Variants in PLXNA2 observed in about 807,000 individuals in gnomAD.
PLXNA2 encodes the protein plexin A2, also known as plexin-A2.
In PLXNA2, 91 loss-of-function variants were observed where a neutral mutation model predicts 193.5. The ratio of observed to expected loss-of-function variants is 0.47; its 90% CI spans 0.40 to 0.56. The LOEUF (loss-of-function observed/expected upper bound fraction) is 0.56, where lower values mean the gene tolerates loss of function less well. PLXNA2 is among the 20% of genes least tolerant of loss of function. The probability of loss-of-function intolerance (pLI) is 0.00; values close to 1 mark genes in which losing one functional copy is unlikely to be tolerated. For synonymous variants in PLXNA2, 997 were observed against 1,027.3 expected, an observed-to-expected ratio of 0.97 and a Z score of 0.56; for missense variants, 1,995 against 2,503.2, an observed-to-expected ratio of 0.80 and a Z score of 4.33.
intron 3 of PLXNA2, among the ~76,000 whole-genome samples, chr1:208,164,537 C>A (rs550257482): frequency 1.3e-5 from 2 of 152,306 alleles, no homozygotes; most frequent in Admixed American, 1.3e-4. Flanking sequence ...CAAATCCCCA[C>A]AGAATTTGGA....
In PLXNA2 at chr1:208,238,916, T is replaced by C. The variant is rs960588192; in HGVS notation, c.-81+4727A>G. ...CCAGCAGATTGGACTCCCTGTTAAG[T>C]TGAGAATGCACTCCCTCCCTGCCAC... On this transcript the variant is annotated intron_variant, in intron 1 of 31. Coordinates refer to ENST00000367033, the MANE Select transcript of PLXNA2 (RefSeq NM_025179.4). Among the ~76,000 whole-genome samples, 5 of 152,254 alleles carry C rather than the reference T, an allele frequency of 3.3e-5. No homozygotes were observed. The East Asian group carries it at 7.7e-4, about 24-fold the overall frequency.
chr1:208,029,003 G>A lies in PLXNA2; in HGVS notation c.5265C>T (p.Pro1755=). The change falls in exon 30 of 32, where the codon CCC becomes CCT. Residue 1755 remains proline (P), a synonymous_variant. Transcript: ENST00000367033. ...LRFWVNVIKN[P]QFVFDIHKGS... is the part of the protein sequence containing the mutation. ...CCTTGTGGATGTCAAACACGAACTG[G>A]GGGTTCTTAATCACGTTCACCCAGA... The A allele has an allele frequency of 1.1e-5, 18 of 1,614,098 alleles. No individual in the cohort carries two copies. The highest frequency in any genetic ancestry group is 1.4e-5 in the Non-Finnish European group (17 of 1,180,020).
At chr1:208,147,211 C>A (rs1668629059) in intron 3 of PLXNA2, among the ~76,000 whole-genome samples, 1 of 151,886 alleles carries the variant, frequency 6.6e-6, no homozygotes. Context: ...TTTTTAGAGA[C>A]AGGGTCTCAT....
In PLXNA2 at chr1:208,216,971, G is replaced by A; in HGVS notation, c.952C>T (p.Pro318Ser). ...AAGGCCTGGGCCAGTGAGTCCCCAG[G>A]CTTGGCCAGGTAAGCAGCCTGCAGG... Reference protein sequence around the residue: ...RLLQAAYLAKPGDSLAQAFNI... With the variant: ...RLLQAAYLAKSGDSLAQAFNI... The change falls in exon 2 of 32, where the codon CCT (proline) becomes TCT (serine). Residue 318 changes from proline to serine, a missense_variant. Pro to Ser is a moderately conservative substitution (Grantham distance 74, BLOSUM62 -1). Coordinates refer to ENST00000367033, the MANE Select transcript of PLXNA2 (RefSeq NM_025179.4). 1 of 1,613,496 alleles carries A rather than the reference G, an allele frequency of 6.2e-7. No homozygotes were observed. The highest frequency in any genetic ancestry group is 8.5e-7 in the Non-Finnish European group (1 of 1,179,574).
At chr1:208,198,996 A>G (rs1670451820) in intron 3 of PLXNA2, among the ~76,000 whole-genome samples, 1 of 152,260 alleles carries the variant, frequency 6.6e-6, no homozygotes, top group Non-Finnish European at 1.5e-5. Flanking sequence ...AAAACAAAAC[A>G]CTTAGCCCAG....
intron 22 of PLXNA2, 57 bp from the exon 23 acceptor site, chr1:208,040,115 G>T: frequency 9.1e-6 from 13 of 1,428,264 alleles, no homozygotes; most frequent in Non-Finnish European, 1.3e-5. Context: ...TCCGTGGTGG[G>T]GCCTGGGCTT....
Position 208,217,984 on chromosome 1 carries a change from G to A in PLXNA2, c.-62C>T, listed in dbSNP as rs754548069. 1.0e-5 allele frequency: 16 copies of A among 1,577,426 alleles called. No individual in the cohort carries two copies. Among genetic ancestry groups the A allele is most frequent in the East Asian group, 9.1e-5 (4 of 43,958 alleles). On this transcript the variant is annotated 5_prime_UTR_variant, in exon 2 of 32. Coordinates refer to ENST00000367033, the MANE Select transcript of PLXNA2 (RefSeq NM_025179.4). This position sits in a 1 kb window ranked among gnomAD's most constrained non-coding sequence, Gnocchi z 4.7. ...TGTGCTCATCTGCTCCACCTTCCCC[G>A]GTTGGCCCTCACATGATTCTGCAAA... is the stretch of plus-strand genomic sequence containing the variant.
chr1:208,173,956 A>C (rs1016156269), intron 3 of PLXNA2, among the ~76,000 whole-genome samples: 1 of 152,236 alleles, frequency 6.6e-6, no homozygotes, highest in Admixed American at 6.5e-5. Context: ...GATGTGGTGC[A>C]TGTGCGCACC....
At chr1:208,132,871 A>G (rs1668200315) in intron 4 of PLXNA2, among the ~76,000 whole-genome samples, 1 of 152,212 alleles carries the variant, frequency 6.6e-6, no homozygotes. Context: ...TTTACAGGTG[A>G]GGTAACTGAA....
chr1:208,219,535 GA>G (rs398103633), intron 1 of PLXNA2, among the ~76,000 whole-genome samples: 1 of 133,264 alleles, frequency 7.5e-6, no homozygotes, highest in East Asian at 2.7e-4. Flanking sequence ...CCGAAGGATG[GA>G]GAGTTTGCTC....
chr1:208,032,571 T>A (rs1664535700), intron 28 of PLXNA2, among the ~76,000 whole-genome samples: 1 of 152,092 alleles, frequency 6.6e-6, no homozygotes, highest in African/African-American at 2.4e-5. Flanking sequence ...TGTTGGAGGG[T>A]CCATCGGGGA....
At chr1:208,043,247 TC>T in intron 20 of PLXNA2, 44 bp from the exon 21 acceptor site, 1 of 1,597,662 alleles carries the variant, frequency 6.3e-7, no homozygotes, top group South Asian at 1.1e-5. Context: ...GAAGCCCCAG[TC>T]GGGGGAGGAG....
At chr1:208,054,922 T>C (rs1250306034) in intron 13 of PLXNA2, among the ~76,000 whole-genome samples, 1 of 152,116 alleles carries the variant, frequency 6.6e-6, no homozygotes, top group Non-Finnish European at 1.5e-5. Flanking sequence ...TAGCTGACGC[T>C]CTCTCCTATG....
chr1:208,026,816 T>C lies in PLXNA2; in HGVS notation c.*427A>G, dbSNP rs1664354774. The stretch of plus-strand genomic sequence containing the variant: ...GACAGAAATCAGAATTAAACAAAAG[T>C]TGGACGGGATTAACAGGGCGGCTTT... On this transcript the variant is annotated 3_prime_UTR_variant, in exon 32 of 32. Coordinates refer to ENST00000367033, the MANE Select transcript of PLXNA2 (RefSeq NM_025179.4). 2 of 153,202 alleles carry C rather than the reference T, an allele frequency of 1.3e-5. No individual in the cohort carries two copies. Among genetic ancestry groups the C allele is most frequent in the South Asian group, 2.1e-4 (1 of 4,836 alleles). The allele number at this position is 153,202 out of a possible 1,614,324, so 9.5% of individuals were successfully genotyped here.
At chr1:208,127,670 A>C (rs1359448090) in intron 4 of PLXNA2, among the ~76,000 whole-genome samples, 2 of 152,168 alleles carry the variant, frequency 1.3e-5, no homozygotes, top group Admixed American at 1.3e-4. Context: ...AAGAGGATGA[A>C]GGGAAAAGGA....
intron 12 of PLXNA2, among the ~76,000 whole-genome samples, chr1:208,070,575 G>T (rs949914937): frequency 1.2e-4 from 18 of 152,200 alleles, no homozygotes; most frequent in Admixed American, 9.2e-4. Flanking sequence ...GTCCAAGTGA[G>T]CTCAGGAAAG....
intron 3 of PLXNA2, among the ~76,000 whole-genome samples, chr1:208,169,341 C>T (rs4844413): frequency 0.2 from 30,138 of 152,114 alleles, 4,332 homozygotes; most frequent in East Asian, 0.67. Context: ...AGGGAGAGTT[C>T]GGACGGGTCA....
intron 1 of PLXNA2, among the ~76,000 whole-genome samples, chr1:208,242,715 C>A (rs1490388325): frequency 6.6e-6 from 1 of 152,160 alleles, no homozygotes; most frequent in East Asian, 1.9e-4. Flanking sequence ...GTAGGTAGCT[C>A]CCACTAGGGC....
At chr1:208,137,951 A>T (rs1360368411) in intron 4 of PLXNA2, among the ~76,000 whole-genome samples, 1 of 152,000 alleles carries the variant, frequency 6.6e-6, no homozygotes, top group Non-Finnish European at 1.5e-5. Context: ...TGTTTGGAGG[A>T]TGGGTGGGGG....
Sources: gnomAD v4.1 joint callset for allele counts (sites outside exome capture counted in the v4.1 genomes callset) on GRCh38, gnomAD v4.1.1 for gene constraint, Gnocchi (gnomAD v3.1) non-coding constraint, MANE v1.5 for transcripts, NCBI Gene and HGNC (gene_info 2026-07-23, HGNC 2026-07-21) for gene names.